The following MINPP1 variants were observed in gnomAD, a reference collection of about 807,000 sequenced individuals.
MINPP1 encodes the protein multiple inositol-polyphosphate phosphatase 1, also known as multiple inositol polyphosphate phosphatase 1.
In MINPP1, 28 loss-of-function variants were observed where a neutral mutation model predicts 46.1. That is an observed-to-expected ratio of 0.61 (90% CI 0.45 to 0.83). The LOEUF is 0.83. Ranked by LOEUF, MINPP1 falls within the 40% of genes least tolerant of loss-of-function variation. The pLI is 0.00. For synonymous variants in MINPP1, 268 were observed against 249.1 expected, an observed-to-expected ratio of 1.08 and a Z score of -0.72; for missense variants, 603 against 610.0, an observed-to-expected ratio of 0.99 and a Z score of 0.12.
Position 87,508,531 on chromosome 10 carries a change from C to T in MINPP1, c.833C>T (p.Ala278Val). 1 of 1,609,518 alleles carries T rather than the reference C, an allele frequency of 6.2e-7. No individual in the cohort carries two copies. Among genetic ancestry groups the T allele is most frequent in the Non-Finnish European group, 8.5e-7 (1 of 1,176,074 alleles). ...CAAGTGCCAGTAAATGATTTAAATG[C>T]AGGTAATATGTCTGTTGTCTTTTAT... is the stretch of plus-strand genomic sequence containing the variant. ...TLQVPVNDLN[A>V]DLIQVAFFTC... Residue 278 changes from alanine to valine, a missense_variant and splice_region_variant, in exon 2 of 5, where the codon GCA becomes GTA. By Grantham distance (64) the Ala-to-Val change is moderately conservative. Coordinates refer to ENST00000371996, the MANE Select transcript of MINPP1 (RefSeq NM_004897.5).
At chr10:87,549,766 T>C (rs193116375) in intron 4 of MINPP1, among the ~76,000 whole-genome samples, 2 of 152,360 alleles carry the variant, frequency 1.3e-5, no homozygotes, top group Non-Finnish European at 2.9e-5. Context: ...TTTTGTGTGC[T>C]AATAGATTCC....
At chr10:87,536,074 A>AT (rs1851731687) in intron 4 of MINPP1, among the ~76,000 whole-genome samples, 1 of 152,192 alleles carries the variant, frequency 6.6e-6, no homozygotes, top group Admixed American at 6.5e-5. Context: ...GTCTATTGTT[A>AT]TTTTTCAAGA....
intron 3 of MINPP1, among the ~76,000 whole-genome samples, chr10:87,514,115 C>T (rs1185279826): frequency 1.3e-5 from 2 of 152,084 alleles, no homozygotes; most frequent in African/African-American, 4.8e-5. Context: ...ATCACACTGG[C>T]AGATTCCCTT....
chr10:87,545,226 A>T (rs1175846537), intron 4 of MINPP1, among the ~76,000 whole-genome samples: 1 of 152,110 alleles, frequency 6.6e-6, no homozygotes, highest in Non-Finnish European at 1.5e-5. Flanking sequence ...TTATTATGGC[A>T]GTTTTTTCTA....
chr10:87,513,091 G>A, intron 2 of MINPP1, 33 bp from the exon 3 acceptor site: 1 of 1,523,076 alleles, frequency 6.6e-7, no homozygotes, highest in Non-Finnish European at 9.1e-7. Flanking sequence ...AGAAAATAAT[G>A]ACCCACAAAA....
rs1400107554 is a variant in MINPP1, at chr10:87,552,787, T to A, written c.*309T>A. 1 of 362,778 alleles carries A rather than the reference T, an allele frequency of 2.8e-6. No individual in the cohort carries two copies. Among genetic ancestry groups the A allele is most frequent in the East Asian group, 6.4e-5 (1 of 15,672 alleles). 22.5% of individuals were successfully genotyped at this position (362,778 alleles called of 1,614,324 possible). On this transcript the variant is annotated 3_prime_UTR_variant, in exon 5 of 5. Coordinates refer to ENST00000371996, the MANE Select transcript of MINPP1 (RefSeq NM_004897.5). Reference sequence around the variant, plus strand: ...ACACTGAGATAGAATTGTGATTTCATAATAACACTTGAAAAGTGCTGGAGT... The same window carrying A: ...ACACTGAGATAGAATTGTGATTTCAAAATAACACTTGAAAAGTGCTGGAGT...
At chr10:87,508,105 A>G in intron 1 of MINPP1, 5 of 1,515,716 alleles carry the variant, frequency 3.3e-6, no homozygotes, top group Non-Finnish European at 4.4e-6. Context: ...CAACACATTT[A>G]ATCTTCAATC....
intron 4 of MINPP1, among the ~76,000 whole-genome samples, chr10:87,524,860 A>C (rs1011612663): frequency 6.6e-6 from 1 of 152,188 alleles, no homozygotes; most frequent in African/African-American, 2.4e-5. Flanking sequence ...AACAATTACA[A>C]AAGTAACATA....
intron 4 of MINPP1, 113 bp from the exon 5 acceptor site, chr10:87,551,969 A>G (rs1851969227): frequency 1.2e-6 from 1 of 844,790 alleles, no homozygotes; most frequent in Non-Finnish European, 1.8e-6. Flanking sequence ...ATTTAAAAAA[A>G]TAGATGGGAT....
intron 4 of MINPP1, among the ~76,000 whole-genome samples, chr10:87,541,812 A>G (rs576626192): frequency 6.6e-6 from 1 of 152,296 alleles, no homozygotes; most frequent in South Asian, 2.1e-4. Flanking sequence ...CATATGAACT[A>G]ACTGAGCAAG....
chr10:87,537,527 G>T (rs897064239), intron 4 of MINPP1, among the ~76,000 whole-genome samples: 3 of 151,224 alleles, frequency 2.0e-5, no homozygotes, highest in Non-Finnish European at 4.4e-5. Flanking sequence ...GTGTGTGTGT[G>T]TGTGTGTGTG....
intron 4 of MINPP1, among the ~76,000 whole-genome samples, chr10:87,538,627 A>G (rs1851771489): frequency 6.6e-6 from 1 of 152,194 alleles, no homozygotes; most frequent in Non-Finnish European, 1.5e-5. Context: ...GCTTCTCCAA[A>G]TACTCACTGG....
chr10:87,540,494 GTCAC>G (rs1222835064), intron 4 of MINPP1, among the ~76,000 whole-genome samples: 2 of 63,024 alleles, frequency 3.2e-5, no homozygotes, highest in Non-Finnish European at 5.9e-5. Flanking sequence ...CTCTCTCTCT[GTCAC>G]ACACACACAC....
chr10:87,512,978 C>A, intron 2 of MINPP1, 146 bp from the exon 3 acceptor site: 1 of 682,270 alleles, frequency 1.5e-6, no homozygotes, highest in East Asian at 2.7e-5. Flanking sequence ...TCTTTGATAG[C>A]CAGGAAGAAA....
At chr10:87,528,842 C>T (rs1217070270) in intron 4 of MINPP1, among the ~76,000 whole-genome samples, 1 of 152,166 alleles carries the variant, frequency 6.6e-6, no homozygotes, top group Non-Finnish European at 1.5e-5. Context: ...GTGTGGGAGT[C>T]TAAGTCTCTT....
chr10:87,513,284 G>T (rs551593634), intron 3 of MINPP1, 63 bp downstream of exon 3: 4 of 1,205,066 alleles, frequency 3.3e-6, no homozygotes, highest in Non-Finnish European at 4.9e-6. Flanking sequence ...TTGCTTGTTT[G>T]CATTTGGTTA....
chr10:87,537,511 T>TCTGTGTGTGTGTGTG (rs113605763), intron 4 of MINPP1, among the ~76,000 whole-genome samples: 22 of 85,190 alleles, frequency 2.6e-4, no homozygotes, highest in African/African-American at 5.8e-4. Flanking sequence ...TTATTACTGT[T>TCTGTGTGTGTGTGTG]TGTGTGTGTG....
intron 4 of MINPP1, among the ~76,000 whole-genome samples, chr10:87,538,881 G>T (rs1234084003): frequency 6.6e-6 from 1 of 152,182 alleles, no homozygotes; most frequent in Non-Finnish European, 1.5e-5. Context: ...GTACATTTGG[G>T]GGGAAAACAT....
At chr10:87,534,436 G>A (rs531925350) in intron 4 of MINPP1, among the ~76,000 whole-genome samples, 1 of 152,230 alleles carries the variant, frequency 6.6e-6, no homozygotes, top group African/African-American at 2.4e-5. Flanking sequence ...ATATTCAAAT[G>A]TCCAGCTGCC....
Sources: allele counts gnomAD v4.1 joint callset (sites outside exome capture counted in the v4.1 genomes callset), GRCh38; gene constraint gnomAD v4.1.1; transcripts MANE v1.5; gene names NCBI Gene and HGNC (gene_info 2026-07-23, HGNC 2026-07-21).